The following BCL11B variants were observed in gnomAD, a reference collection of about 807,000 sequenced individuals.
The protein encoded by BCL11B is BCL11 transcription factor B, also known as B-cell lymphoma/leukemia 11B.
Under a neutral mutation model 49.9 loss-of-function variants are expected in BCL11B, and 8 were observed. That is an observed-to-expected ratio of 0.16 (90% CI 0.09 to 0.29). BCL11B has a LOEUF of 0.29. Among genes scored for constraint, BCL11B ranks in the 10% least tolerant of loss-of-function variants. The probability of loss-of-function intolerance (pLI) is 1.00; values close to 1 mark genes in which losing one functional copy is unlikely to be tolerated. For synonymous variants in BCL11B, 739 were observed against 637.4 expected (o/e 1.16, Z -2.40); for missense variants, 1,006 against 1,351.0 (o/e 0.74, Z 4.00).
At chr14:99,217,468 T>C (rs912579377) in intron 3 of BCL11B, among the ~76,000 whole-genome samples, 50 of 151,292 alleles carry the variant, frequency 3.3e-4, no homozygotes, top group African/African-American at 1.2e-3. Flanking sequence ...GCAGAGGCAA[T>C]GGGAAAAACC....
intron 3 of BCL11B, among the ~76,000 whole-genome samples, chr14:99,193,782 A>G (rs1156930150): frequency 4.6e-5 from 7 of 152,172 alleles, no homozygotes; most frequent in Admixed American, 4.6e-4. Context: ...CTTTTTCATC[A>G]AGTCTGTGAT....
At chr14:99,238,001 C>G (rs1888554330) in intron 2 of BCL11B, among the ~76,000 whole-genome samples, 1 of 152,042 alleles carries the variant, frequency 6.6e-6, no homozygotes, top group Non-Finnish European at 1.5e-5. Context: ...GGGTTGAGAC[C>G]ACTTCTACCA....
chr14:99,199,687 C>CGT (rs1566806706), intron 3 of BCL11B, among the ~76,000 whole-genome samples: 10 of 58,850 alleles, frequency 1.7e-4, no homozygotes, highest in African/African-American at 3.2e-4. Flanking sequence ...TGTGTGTGCG[C>CGT]GCGCGCGCGC....
intron 3 of BCL11B, among the ~76,000 whole-genome samples, chr14:99,199,031 T>TA (rs1887265201): frequency 6.6e-6 from 1 of 152,092 alleles, no homozygotes; most frequent in Non-Finnish European, 1.5e-5. Context: ...AATCATTTTT[T>TA]AAAAAAACAA....
chr14:99,193,294 AC>A (rs1887090191), intron 3 of BCL11B, among the ~76,000 whole-genome samples: 1 of 152,214 alleles, frequency 6.6e-6, no homozygotes, highest in South Asian at 2.1e-4. Context: ...CCGCTAATAC[AC>A]AATTAACATG....
chr14:99,180,896 G>C (rs778263326), intron 3 of BCL11B, among the ~76,000 whole-genome samples: 4 of 152,134 alleles, frequency 2.6e-5, no homozygotes, highest in Non-Finnish European at 5.9e-5. Context: ...TATGATGCTT[G>C]GGAACCGACG....
intron 2 of BCL11B, among the ~76,000 whole-genome samples, chr14:99,246,801 C>A (rs1888856486): frequency 6.6e-6 from 1 of 152,038 alleles, no homozygotes; most frequent in Non-Finnish European, 1.5e-5. Context: ...GGGATAGGCA[C>A]CGTCGCGGGG....
intron 3 of BCL11B, among the ~76,000 whole-genome samples, chr14:99,208,310 A>G (rs898158248): frequency 1.3e-5 from 2 of 152,170 alleles, no homozygotes; most frequent in Non-Finnish European, 2.9e-5. Flanking sequence ...GGCCACAGCC[A>G]CAGGGCCTCG....
intron 1 of BCL11B, among the ~76,000 whole-genome samples, chr14:99,267,306 T>C (rs1051637056): frequency 2.0e-5 from 3 of 151,828 alleles, no homozygotes; most frequent in South Asian, 4.2e-4. Context: ...AAAAGAAATA[T>C]GCATATGTAC....
chr14:99,180,077 A>C (rs1165510029), intron 3 of BCL11B, among the ~76,000 whole-genome samples: 2 of 152,088 alleles, frequency 1.3e-5, no homozygotes, highest in Non-Finnish European at 2.9e-5. Flanking sequence ...CCTTCCCGGG[A>C]CCAGATGTTT....
intron 2 of BCL11B, among the ~76,000 whole-genome samples, chr14:99,239,861 G>C (rs1314604495): frequency 6.6e-6 from 1 of 152,160 alleles, no homozygotes; most frequent in Non-Finnish European, 1.5e-5. Flanking sequence ...ACAGAAGGAG[G>C]AAGGCTGAGC....
intron 3 of BCL11B, among the ~76,000 whole-genome samples, chr14:99,214,737 C>A (rs942097897): frequency 6.6e-6 from 1 of 152,068 alleles, no homozygotes; most frequent in Admixed American, 6.6e-5. Flanking sequence ...AGCATGGGGA[C>A]CCGGCAGGAC....
At chr14:99,209,458 G>A (rs1163623112) in intron 3 of BCL11B, among the ~76,000 whole-genome samples, 3 of 152,068 alleles carry the variant, frequency 2.0e-5, no homozygotes, top group Admixed American at 1.3e-4. Flanking sequence ...GGGCTGGAAT[G>A]AGGTCAGTGC....
rs1595268487 is a variant in BCL11B, at chr14:99,231,676, G to A, written c.428-119C>T. 3 of 1,076,786 alleles carry A rather than the reference G, an allele frequency of 2.8e-6. No individual in the cohort carries two copies. Among genetic ancestry groups the A allele is most frequent in the East Asian group, 2.6e-5 (1 of 37,864 alleles). 66.7% of individuals were successfully genotyped at this position (1,076,786 alleles called of 1,614,324 possible). ...TCAGGCCACCCTTCGGGGGTGGGAG[G>A]CCCCCGGGGTGCCAGGCCCTGCAGG... is the stretch of plus-strand genomic sequence containing the variant. On this transcript the variant is annotated intron_variant, in intron 2 of 3. Transcript: ENST00000357195. The surrounding 1 kb of genome is among the most constrained non-coding windows in gnomAD (Gnocchi z 8.1).
In BCL11B at chr14:99,271,303, G is replaced by C; in HGVS notation, c.-85C>G. 1 of 841,664 alleles carries C rather than the reference G, an allele frequency of 1.2e-6. No individual in the cohort carries two copies. The highest frequency in any genetic ancestry group is 3.5e-5 in the East Asian group (1 of 28,520). 52.1% of individuals were successfully genotyped at this position (841,664 alleles called of 1,614,324 possible). A position where few individuals can be genotyped will look rare whatever the true frequency, so the allele number is the denominator to read the frequency against. ...AGGGGGTCCGAGCCGCCGCCGCGCC[G>C]CTGCCGCCGCTGCCGCCGCCGCCGC... On this transcript the variant is annotated 5_prime_UTR_variant, in exon 1 of 4. Coordinates refer to ENST00000357195, the MANE Select transcript of BCL11B (RefSeq NM_138576.4).
chr14:99,199,210 C>T (rs1887270840), intron 3 of BCL11B, among the ~76,000 whole-genome samples: 1 of 152,260 alleles, frequency 6.6e-6, no homozygotes, highest in African/African-American at 2.4e-5. Flanking sequence ...CGAAGGTCAA[C>T]TGGCAGTTAG....
chr14:99,203,468 G>A (rs965655454), intron 3 of BCL11B, among the ~76,000 whole-genome samples: 30 of 152,272 alleles, frequency 2.0e-4, no homozygotes, highest in African/African-American at 6.0e-4. Context: ...AGAGGTTAAC[G>A]AAAGGAAAGG....
intron 3 of BCL11B, among the ~76,000 whole-genome samples, chr14:99,227,929 T>C (rs950769320): frequency 1.3e-5 from 2 of 152,114 alleles, no homozygotes; most frequent in African/African-American, 4.8e-5. Flanking sequence ...TTCTCCCCAC[T>C]GCGACCATTG....
At chr14:99,224,247 C>T (rs1401730938) in intron 3 of BCL11B, among the ~76,000 whole-genome samples, 1 of 152,216 alleles carries the variant, frequency 6.6e-6, no homozygotes, top group Non-Finnish European at 1.5e-5. Flanking sequence ...AGACCTGAGT[C>T]TGAATCTCTG....
Sources: allele counts gnomAD v4.1 joint callset (sites outside exome capture counted in the v4.1 genomes callset), GRCh38; gene constraint gnomAD v4.1.1; non-coding constraint Gnocchi (gnomAD v3.1); transcripts MANE v1.5; gene names NCBI Gene and HGNC (gene_info 2026-07-23, HGNC 2026-07-21).